RGS6: variants seen among roughly 807,000 people sequenced by gnomAD.
The protein encoded by RGS6 is regulator of G protein signaling 6.
A neutral mutation model predicts 78.5 loss-of-function variants in RGS6; 30 were observed. The ratio of observed to expected loss-of-function variants is 0.38; its 90% CI spans 0.29 to 0.52. The LOEUF (loss-of-function observed/expected upper bound fraction) is 0.52, where lower values mean the gene tolerates loss of function less well. RGS6 is among the 20% of genes least tolerant of loss of function. The probability of loss-of-function intolerance (pLI) is 0.85; values close to 1 mark genes in which losing one functional copy is unlikely to be tolerated. For synonymous variants in RGS6, 206 were observed against 206.0 expected (o/e 1.00, Z 0.00); for missense variants, 495 against 609.7 (o/e 0.81, Z 1.98).
the RGS6 span, among the ~76,000 whole-genome samples, chr14:72,597,059 T>C: frequency 1.3e-5 from 2 of 152,102 alleles, no homozygotes; most frequent in African/African-American, 2.4e-5. Context: ...GCCAACATGG[T>C]GAAACCCCTT....
intron 8 of RGS6, among the ~76,000 whole-genome samples, chr14:72,470,611 C>A (rs538006180): frequency 6.6e-6 from 1 of 152,056 alleles, no homozygotes; most frequent in African/African-American, 2.4e-5. Flanking sequence ...GGCATGGTGG[C>A]TCATGCCTGT....
At chr14:72,117,164 G>A (rs1300862289) in intron 2 of RGS6, among the ~76,000 whole-genome samples, 2 of 152,086 alleles carry the variant, frequency 1.3e-5, no homozygotes, top group Non-Finnish European at 2.9e-5. Flanking sequence ...AATGTGGCAT[G>A]TTGAAATAGC....
chr14:72,145,288 C>A (rs2096593056), intron 2 of RGS6, among the ~76,000 whole-genome samples: 2 of 152,142 alleles, frequency 1.3e-5, no homozygotes, highest in South Asian at 4.1e-4. Context: ...AGACTGGTCC[C>A]TAGGCAAGAA....
At chr14:72,136,818 A>C (rs938802322) in intron 2 of RGS6, among the ~76,000 whole-genome samples, 5 of 152,214 alleles carry the variant, frequency 3.3e-5, no homozygotes, top group Admixed American at 6.5e-5. Context: ...TGCCCACTGG[A>C]GTATGCTGTC....
At chr14:72,431,994 G>A (rs1356350965) in intron 3 of RGS6, among the ~76,000 whole-genome samples, 1 of 152,142 alleles carries the variant, frequency 6.6e-6, no homozygotes, top group Admixed American at 6.5e-5. Flanking sequence ...AAATGTGAGT[G>A]TCTTGCTTTG....
chr14:72,387,148 A>G (rs1185973690), intron 3 of RGS6, among the ~76,000 whole-genome samples: 1 of 152,154 alleles, frequency 6.6e-6, no homozygotes, highest in African/African-American at 2.4e-5. Flanking sequence ...TACACATTAT[A>G]AGATATATAT....
rs373959082 is a variant in RGS6, at chr14:72,004,218, TC to T, written c.84+39344del. Among the ~76,000 whole-genome samples the T allele has an allele frequency of 7.9e-5, 12 of 152,278 alleles. No homozygotes were observed. In the South Asian group the frequency reaches 2.5e-3, roughly 32 times the overall value. ...GGATTGAAAAAAAGTTGAACTTGGC[TC>T]AACCATTTACTGACGTTGTAGTTCT... On this transcript the variant is annotated intron_variant, in intron 2 of 17. Coordinates refer to ENST00000553525, the MANE Select transcript of RGS6 (RefSeq NM_001204424.2).
the RGS6 span, among the ~76,000 whole-genome samples, chr14:72,618,301 G>A: frequency 6.6e-6 from 1 of 152,208 alleles, no homozygotes; most frequent in Admixed American, 6.5e-5. Flanking sequence ...AATTCAGAGC[G>A]TCGCATCAAT....
intron 2 of RGS6, among the ~76,000 whole-genome samples, chr14:72,236,835 G>A (rs917582366): frequency 6.6e-6 from 1 of 152,128 alleles, no homozygotes; most frequent in Admixed American, 6.5e-5. Flanking sequence ...TCCCACACGC[G>A]GTGGCAGCTG....
At chr14:72,116,155 A>T (rs2095879168) in intron 2 of RGS6, among the ~76,000 whole-genome samples, 1 of 152,232 alleles carries the variant, frequency 6.6e-6, no homozygotes, top group African/African-American at 2.4e-5. Context: ...GTACACACAT[A>T]TGTGATGCAA....
chr14:72,172,149 A>G (rs1314731033), intron 2 of RGS6, among the ~76,000 whole-genome samples: 1 of 152,092 alleles, frequency 6.6e-6, no homozygotes. Context: ...AATCGATTTC[A>G]TTCCTTTCCT....
At chr14:72,484,534 T>G (rs2096452072) in intron 12 of RGS6, among the ~76,000 whole-genome samples, 3 of 152,174 alleles carry the variant, frequency 2.0e-5, no homozygotes, top group Admixed American at 2.0e-4. Context: ...TGTGGTTTTT[T>G]TTTGGTGGGG....
chr14:72,097,761 T>C (rs776640554), intron 2 of RGS6, among the ~76,000 whole-genome samples: 16 of 152,142 alleles, frequency 1.1e-4, no homozygotes, highest in Non-Finnish European at 1.9e-4. Context: ...CTCTTCTTGC[T>C]GGACAGGGTG....
chr14:71,951,576 T>G (rs896092710), intron 1 of RGS6, among the ~76,000 whole-genome samples: 6 of 152,152 alleles, frequency 3.9e-5, no homozygotes, highest in African/African-American at 1.4e-4. Flanking sequence ...AATATATAAT[T>G]AAAAAGAATA....
chr14:72,311,824 G>C (rs968605586), intron 2 of RGS6, among the ~76,000 whole-genome samples: 5 of 152,210 alleles, frequency 3.3e-5, no homozygotes, highest in African/African-American at 1.2e-4. Context: ...ATGGCAACCA[G>C]AGTATCACTT....
At chr14:72,547,423 C>G in intron 17 of RGS6, 1 of 1,096,414 alleles carries the variant, frequency 9.1e-7, no homozygotes. Context: ...CTGGTGGAAA[C>G]AACAGGGGAT....
chr14:71,971,896 A>G (rs964712436), intron 2 of RGS6, among the ~76,000 whole-genome samples: 2 of 139,188 alleles, frequency 1.4e-5, no homozygotes, highest in Non-Finnish European at 3.0e-5. Context: ...CGCAGCTCAT[A>G]ATATGGCAGG....
At chr14:72,619,942 T>G in the RGS6 span, 1 of 1,535,668 alleles carries the variant, frequency 6.5e-7, no homozygotes. Context: ...AAACAGTACA[T>G]GTGATAGCCT....
At chr14:72,254,127 C>T (rs1012367316) in intron 2 of RGS6, among the ~76,000 whole-genome samples, 12 of 152,176 alleles carry the variant, frequency 7.9e-5, no homozygotes, top group East Asian at 1.9e-4. Flanking sequence ...GTGAAATTCA[C>T]GTGCCCTTGA....
Sources: gnomAD v4.1 joint callset for allele counts (sites outside exome capture counted in the v4.1 genomes callset) on GRCh38, gnomAD v4.1.1 for gene constraint, MANE v1.5 for transcripts, NCBI Gene and HGNC (gene_info 2026-07-23, HGNC 2026-07-21) for gene names.